CAMK2D: variants seen among roughly 807,000 people sequenced by gnomAD.
The protein encoded by CAMK2D is calcium/calmodulin-dependent protein kinase type II subunit delta.
In CAMK2D, 37 loss-of-function variants were observed where a neutral mutation model predicts 84.0. The ratio of observed to expected loss-of-function variants is 0.44; its 90% confidence interval spans 0.34 to 0.58. The LOEUF is 0.58. Among genes scored for constraint, CAMK2D ranks in the 20% least tolerant of loss-of-function variants. CAMK2D has a pLI of 0.02. For synonymous variants in CAMK2D, 202 were observed against 212.5 expected, an observed-to-expected ratio of 0.95 and a Z score of 0.43; for missense variants, 448 against 652.5, an observed-to-expected ratio of 0.69 and a Z score of 3.41.
At chr4:113,707,914 A>T (rs1240559777) in intron 2 of CAMK2D, among the ~76,000 whole-genome samples, 1 of 152,178 alleles carries the variant, frequency 6.6e-6, no homozygotes, top group Non-Finnish European at 1.5e-5. Flanking sequence ...AATTCTCTGG[A>T]ATATTAGAGG....
chr4:113,706,340 G>C (rs935903568), intron 2 of CAMK2D, among the ~76,000 whole-genome samples: 1 of 152,118 alleles, frequency 6.6e-6, no homozygotes. Flanking sequence ...GAAAATGGTA[G>C]GTGCACTAAC....
intron 4 of CAMK2D, among the ~76,000 whole-genome samples, chr4:113,604,088 C>T (rs1371157459): frequency 2.0e-5 from 3 of 152,002 alleles, no homozygotes; most frequent in Admixed American, 6.6e-5. Flanking sequence ...GAATAGCTAA[C>T]ATTCCACAGG....
chr4:113,725,973 TCAA>T (rs931275474), intron 2 of CAMK2D, among the ~76,000 whole-genome samples: 4 of 152,122 alleles, frequency 2.6e-5, no homozygotes, highest in African/African-American at 7.2e-5. Flanking sequence ...AATACTATGG[TCAA>T]CAACAGCATT....
chr4:113,464,064 C>T (rs1388644740), intron 17 of CAMK2D, among the ~76,000 whole-genome samples: 1 of 152,176 alleles, frequency 6.6e-6, no homozygotes, highest in East Asian at 1.9e-4. Flanking sequence ...CCACCACCAC[C>T]ACCCTGAAAG....
intron 3 of CAMK2D, among the ~76,000 whole-genome samples, chr4:113,660,639 C>T (rs945667937): frequency 2.0e-5 from 3 of 152,096 alleles, no homozygotes; most frequent in Non-Finnish European, 2.9e-5. Context: ...GATCCTTCTG[C>T]CTCACCCCTC....
chr4:113,630,835 A>G (rs895008063), intron 3 of CAMK2D, among the ~76,000 whole-genome samples: 2 of 152,188 alleles, frequency 1.3e-5, no homozygotes, highest in African/African-American at 2.4e-5. Flanking sequence ...ACTGGCTGCA[A>G]GAAAGACTAG....
At chr4:113,565,677 A>AC (rs547161552) in intron 4 of CAMK2D, among the ~76,000 whole-genome samples, 89 of 118,072 alleles carry the variant, frequency 7.5e-4, no homozygotes, top group African/African-American at 3.9e-3. Flanking sequence ...GAAGTCACAC[A>AC]AAAAAAACGA....
chr4:113,634,142 T>C (rs1301664260), intron 3 of CAMK2D, among the ~76,000 whole-genome samples: 1 of 152,218 alleles, frequency 6.6e-6, no homozygotes, highest in Non-Finnish European at 1.5e-5. Context: ...TTCCAGGCTG[T>C]TGTTCACAAA....
chr4:113,621,092 T>A (rs1194871612), intron 3 of CAMK2D, among the ~76,000 whole-genome samples: 1 of 152,016 alleles, frequency 6.6e-6, no homozygotes, highest in Non-Finnish European at 1.5e-5. Flanking sequence ...CCTGGATAAT[T>A]TTTTGTTTTT....
chr4:113,752,250 A>C (rs1025992995), intron 2 of CAMK2D, among the ~76,000 whole-genome samples: 1 of 151,504 alleles, frequency 6.6e-6, no homozygotes, highest in African/African-American at 2.4e-5. Flanking sequence ...TATATATATC[A>C]AATTTTATGC....
chr4:113,674,107 T>G (rs1008607093), intron 2 of CAMK2D, among the ~76,000 whole-genome samples: 1 of 152,174 alleles, frequency 6.6e-6, no homozygotes, highest in Admixed American at 6.5e-5. Flanking sequence ...CAATACCCTT[T>G]GGAAGCAGAG....
At chr4:113,525,667 T>G (rs1190273525) in intron 8 of CAMK2D, among the ~76,000 whole-genome samples, 2 of 152,188 alleles carry the variant, frequency 1.3e-5, no homozygotes, top group Non-Finnish European at 2.9e-5. Flanking sequence ...TGTACAGGCT[T>G]GTTTTAGTCA....
chr4:113,715,556 A>G (rs1449287422), intron 2 of CAMK2D, among the ~76,000 whole-genome samples: 1 of 152,154 alleles, frequency 6.6e-6, no homozygotes, highest in Admixed American at 6.5e-5. Context: ...AGGTTTTTAG[A>G]TAACATTCCT....
chr4:113,511,991 A>C (rs1216944276), intron 12 of CAMK2D, among the ~76,000 whole-genome samples: 1 of 152,230 alleles, frequency 6.6e-6, no homozygotes, highest in Non-Finnish European at 1.5e-5. Context: ...TTACCTGATA[A>C]CACTATAACA....
chr4:113,641,023 C>T (rs2099130577), intron 3 of CAMK2D, among the ~76,000 whole-genome samples: 1 of 152,200 alleles, frequency 6.6e-6, no homozygotes, highest in South Asian at 2.1e-4. Context: ...AATTTGGGCA[C>T]TTAATTACAT....
rs139576985 is a variant in CAMK2D, at chr4:113,603,773, T to TTATATATATATATA, written c.275+5365_275+5378dup. Among the ~76,000 whole-genome samples, 345 of 127,900 alleles carry TTATATATATATATA rather than the reference T, an allele frequency of 2.7e-3. 11 individuals carry two copies. Among genetic ancestry groups the TTATATATATATATA allele is most frequent in the African/African-American group, 9.5e-3 (290 of 30,622 alleles). 83.9% of individuals were successfully genotyped at this position (127,900 alleles called of 152,430 possible). The stretch of plus-strand genomic sequence containing the variant: ...ATCTTTCTATATATTTCTTGCTATT[T>TTATATATATATATA]TATATATATATATATATATATATAT... On this transcript the variant is annotated intron_variant, in intron 4 of 20. Transcript: ENST00000511664.
In CAMK2D at chr4:113,633,278, A is replaced by G. The variant is rs373367016; in HGVS notation, c.221-24072T>C. On this transcript the variant is annotated intron_variant, in intron 3 of 20. Transcript: ENST00000511664. The stretch of plus-strand genomic sequence containing the variant: ...CAAAAGGTAATTCCCACTGCAGGTA[A>G]TTTTTGGTTATTTCCACTCAAAGGC... 2.6e-5 allele frequency among the ~76,000 whole-genome samples: 4 copies of G among 152,294 alleles called. No homozygotes were observed. In the East Asian group the frequency reaches 7.7e-4, roughly 29 times the overall value.
intron 4 of CAMK2D, among the ~76,000 whole-genome samples, chr4:113,591,732 T>C (rs934060490): frequency 1.2e-4 from 19 of 152,254 alleles, no homozygotes; most frequent in Non-Finnish European, 2.8e-4. Context: ...CACTAACCTC[T>C]ACATTTCTAC....
In CAMK2D at chr4:113,470,780, C is replaced by T. The variant is rs145008219; in HGVS notation, c.1136-5176G>A. ...ATTTACATATTTATTTGCATGTAAC[C>T]GATTAATCAGTTTTCTCTATTACTC... is the stretch of plus-strand genomic sequence containing the variant. On this transcript the variant is annotated intron_variant, in intron 16 of 20. Transcript: ENST00000511664. 8.4e-4 allele frequency among the ~76,000 whole-genome samples: 128 copies of T among 152,214 alleles called. 1 individual carries two copies. In the East Asian group the frequency reaches 0.021, roughly 25 times the overall value.
Sources: gnomAD v4.1 joint callset for allele counts (sites outside exome capture counted in the v4.1 genomes callset) on GRCh38, gnomAD v4.1.1 for gene constraint, MANE v1.5 for transcripts, NCBI Gene and HGNC (gene_info 2026-07-23, HGNC 2026-07-21) for gene names.